PIGO: variants seen among roughly 807,000 people sequenced by gnomAD.
PIGO encodes the protein GPI ethanolamine phosphate transferase 3, catalytic subunit.
A neutral mutation model predicts 86.9 loss-of-function variants in PIGO; 66 were observed. That is an observed-to-expected ratio of 0.76 (90% CI 0.62 to 0.93). PIGO has a LOEUF of 0.93. Ranked by LOEUF, PIGO falls within the 40% of genes least tolerant of loss-of-function variation. The probability of loss-of-function intolerance (pLI) is 0.00; values close to 1 mark genes in which losing one functional copy is unlikely to be tolerated. For missense variants in PIGO, 1,202 were observed against 1,359.1 expected (o/e 0.88, Z 1.82); for synonymous variants, 570 against 556.4 (o/e 1.02, Z -0.34).
Position 35,094,040 on chromosome 9 carries a change from C to A in PIGO, c.656-16G>T, listed in dbSNP as rs750860245. On this transcript the variant is annotated splice_polypyrimidine_tract_variant and intron_variant, in intron 3 of 10. Coordinates refer to ENST00000378617, the MANE Select transcript of PIGO (RefSeq NM_032634.4). ...CCACTGTCCACTGTGAAGGGGAGAA[C>A]ACTGAGCACAGAAGACTAAGACCCA... 2 of 1,611,254 alleles carry A rather than the reference C, an allele frequency of 1.2e-6. No individual in the cohort carries two copies. Among genetic ancestry groups the A allele is most frequent in the Admixed American group, 3.4e-5 (2 of 59,576 alleles).
At position 35,092,190 on chromosome 9, in the gene PIGO, A is replaced by G; in HGVS notation, c.1697T>C (p.Val566Ala). Residue 566 changes from valine to alanine, a missense_variant, in exon 7 of 11, where the codon GTT (valine) becomes GCT (alanine). Physicochemically the swap from Val to Ala is moderately conservative, Grantham distance 64 (BLOSUM62 0). Coordinates refer to ENST00000378617, the MANE Select transcript of PIGO (RefSeq NM_032634.4). The part of the protein sequence containing the change: ...RLAVFFSDSF[V>A]VAEARATPFL... ...GGGGGTGGCCCTGGCCTCAGCTACA[A>G]CAAAACTATCAGAGAAGAACACAGC... The G allele has an allele frequency of 6.2e-7, 1 of 1,614,252 alleles. No individual in the cohort carries two copies. Among genetic ancestry groups the G allele is most frequent in the Non-Finnish European group, 8.5e-7 (1 of 1,180,052 alleles).
chr9:35,089,599 T>C, intron 9 of PIGO, 149 bp from the exon 10 acceptor site: 3 of 1,473,194 alleles, frequency 2.0e-6, no homozygotes, highest in Non-Finnish European at 2.7e-6. Flanking sequence ...GGCTAGGAGT[T>C]AGGAGACCTA....
Position 35,095,451 on chromosome 9 carries a change from T to C in PIGO, c.115A>G (p.Ser39Gly). The change falls in exon 2 of 11, where the codon AGC (serine) becomes GGC (glycine). Residue 39 changes from serine (S) to glycine (G), a missense_variant. By Grantham distance (56) the Ser-to-Gly change is moderately conservative. Transcript: ENST00000378617. ...LLTRLELTNH[S>G]SCQEPPGPGS... ...GGGCCTGGGGGCTCTTGGCAGCTGC[T>C]ATGGTTGGTGAGCTCCAAACGGGTG... 6.2e-7 allele frequency: 1 copy of C among 1,613,908 alleles called. No homozygotes were observed.
chr9:35,089,096 C>G lies in PIGO; in HGVS notation c.3266G>C (p.Arg1089Thr). Residue 1089 changes from arginine (R) to threonine (T), a missense_variant, in exon 11 of 11, where the codon AGG (arginine) becomes ACG (threonine). Transcript: ENST00000378617. ...TGCCAGTAATCACAGACTAGGCTAC[C>G]TCTGCTGGGCCAGAAATAGCTGCCT... ...WFRQLFLAQQ[R>T] is the part of the protein sequence containing the mutation. The G allele has an allele frequency of 1.2e-6, 2 of 1,614,142 alleles. No individual in the cohort carries two copies. The highest frequency in any genetic ancestry group is 1.7e-6 in the Non-Finnish European group (2 of 1,180,020).
In PIGO at chr9:35,089,056, C is replaced by T; in HGVS notation, c.*36G>A. The T allele has an allele frequency of 1.9e-6, 3 of 1,613,336 alleles. No homozygotes were observed. The highest frequency in any genetic ancestry group is 2.5e-6 in the Non-Finnish European group (3 of 1,179,774). On this transcript the variant is annotated 3_prime_UTR_variant, in exon 11 of 11. Transcript: ENST00000378617. ...GGCCAGGCTACACTGTTCTCAAGCA[C>T]TCTCTGTAGCCAAGTGCCAGTAATC...
intron 3 of PIGO, 54 bp from the exon 4 acceptor site, chr9:35,094,078 A>T: frequency 3.1e-6 from 5 of 1,591,056 alleles, no homozygotes; most frequent in Non-Finnish European, 4.3e-6. Context: ...CCTCAACCCC[A>T]GCCAGGCTTT....
In PIGO at chr9:35,093,080, G is replaced by A. The variant is rs141121202; in HGVS notation, c.1069C>T (p.His357Tyr). Residue 357 changes from histidine to tyrosine, a missense_variant, in exon 6 of 11, where the codon CAC (histidine) becomes TAC (tyrosine). His to Tyr is a moderately conservative substitution (Grantham distance 83). Transcript: ENST00000378617. ...LFSGGEDSQP[H>Y]SSALAQASAL... ...GAGGCTTGGGCTAAAGCAGAGGAGT[G>A]GGGCTGGGAGTCCTCACCCCCTGAG... is the stretch of plus-strand genomic sequence containing the variant. 8.2e-5 allele frequency: 133 copies of A among 1,614,040 alleles called. 2 individuals are homozygous for A. In the East Asian group the frequency reaches 2.7e-3, roughly 33 times the overall value.
intron 5 of PIGO, 57 bp from the exon 6 acceptor site, chr9:35,093,266 G>A (rs567067272): frequency 5.8e-5 from 92 of 1,582,534 alleles, no homozygotes; most frequent in Admixed American, 5.0e-4. Flanking sequence ...TCAATGTTTG[G>A]GATGGCAGAC....
chr9:35,091,062 T>A, intron 7 of PIGO, 178 bp downstream of exon 7: 1 of 695,172 alleles, frequency 1.4e-6, no homozygotes, highest in East Asian at 2.7e-5. Context: ...ACAGGAGGGA[T>A]CAATTTGCTT....
rs1829355170 is a variant in PIGO, at chr9:35,090,260, G to C, written c.2875C>G (p.Leu959Val). The C allele has an allele frequency of 6.2e-7, 1 of 1,613,888 alleles. No homozygotes were observed. The highest frequency in any genetic ancestry group is 1.3e-5 in the African/African-American group (1 of 74,936). The change falls in exon 9 of 11, where the codon CTC (leucine) becomes GTC (valine). Residue 959 changes from leucine (L) to valine (V), a missense_variant. Transcript: ENST00000378617. Reference protein sequence around the residue: ...LFAVGCPLLLLWPFLCESQGL... With the variant: ...LFAVGCPLLLVWPFLCESQGL... ...TGACTCTCACACAGGAAAGGCCAGA[G>C]CAGGAGCAGTGGGCAACCTACTGCC...
At position 35,093,094 on chromosome 9, in the gene PIGO, T is replaced by C; in HGVS notation, c.1055A>G (p.Glu352Gly). The part of the protein sequence containing the change: ...EVMAELFSGG[E>G]DSQPHSSALA... ...AGCAGAGGAGTGGGGCTGGGAGTCC[T>C]CACCCCCTGAGAATAGCTCAGCCAT... is the stretch of plus-strand genomic sequence containing the variant. The change falls in exon 6 of 11, where the codon GAG (glutamate) becomes GGG (glycine). Residue 352 changes from glutamate to glycine, a missense_variant. By Grantham distance (98) the Glu-to-Gly change is moderately conservative. Transcript: ENST00000378617. 6.2e-7 allele frequency: 1 copy of C among 1,614,146 alleles called. No homozygotes were observed. The highest frequency in any genetic ancestry group is 8.5e-7 in the Non-Finnish European group (1 of 1,180,008).
In PIGO at chr9:35,089,084, A is replaced by T; in HGVS notation, c.*8T>A. On this transcript the variant is annotated 3_prime_UTR_variant, in exon 11 of 11. Transcript: ENST00000378617. ...TCTGTAGCCAAGTGCCAGTAATCAC[A>T]GACTAGGCTACCTCTGCTGGGCCAG... The T allele has an allele frequency of 6.2e-7, 1 of 1,614,144 alleles. No homozygotes were observed. The highest frequency in any genetic ancestry group is 1.1e-5 in the South Asian group (1 of 91,072).
At position 35,093,428 on chromosome 9, in the gene PIGO, G is replaced by A; in HGVS notation, c.932C>T (p.Pro311Leu). Residue 311 changes from proline (P) to leucine (L), a missense_variant, in exon 5 of 11, where the codon CCA (proline) becomes CTA (leucine). Pro to Leu is a moderately conservative substitution (Grantham distance 98, BLOSUM62 -3). Transcript: ENST00000378617. ...GAACATCCCAGGCCTCACCTCTGGT[G>A]GGGTGCTGGGGAAGACTGCTGTGGG... is the stretch of plus-strand genomic sequence containing the variant. ...YSPTAVFPSTPPEEPEVIPQV... is the reference protein window; with the variant it reads ...YSPTAVFPSTLPEEPEVIPQV... The A allele has an allele frequency of 1.9e-6, 3 of 1,614,096 alleles. No individual in the cohort carries two copies. Among genetic ancestry groups the A allele is most frequent in the Non-Finnish European group, 8.5e-7 (1 of 1,180,012 alleles).
Position 35,096,193 on chromosome 9 carries a change from C to G in PIGO, c.-40G>C, listed in dbSNP as rs1213938357. On this transcript the variant is annotated 5_prime_UTR_variant, in exon 1 of 11. Transcript: ENST00000378617. ...GCCTCTCCCCTCGCCAATCTCAATA[C>G]CCAGTGGAAAGGGATCGAAGCCGCA... 1 of 152,258 alleles carries G rather than the reference C, an allele frequency of 6.6e-6. No homozygotes were observed. The highest frequency in any genetic ancestry group is 2.4e-5 in the African/African-American group (1 of 41,464). The allele number at this position is 152,258 out of a possible 1,614,324, so 9.4% of individuals were successfully genotyped here.
rs974939782 is a variant in PIGO, at chr9:35,091,326, C to T, written c.2561G>A (p.Arg854His). The change falls in exon 7 of 11, where the codon CGC becomes CAC. Residue 854 changes from arginine to histidine, a missense_variant. By Grantham distance (29) the Arg-to-His change is conservative. Coordinates refer to ENST00000378617, the MANE Select transcript of PIGO (RefSeq NM_032634.4). ...AFPLLLLHAE[R>H]ISLVFLLLFL... ...CAGAAGCAGGAACACAAGGCTGATG[C>T]GCTCCGCATGCAACAGCAGAAGTGG... is the stretch of plus-strand genomic sequence containing the variant. The T allele has an allele frequency of 1.1e-5, 17 of 1,614,112 alleles. No homozygotes were observed. The highest frequency in any genetic ancestry group is 1.4e-5 in the Non-Finnish European group (16 of 1,180,000).
chr9:35,093,903 G>A lies in PIGO; in HGVS notation c.777C>T (p.Ile259=), dbSNP rs752829826. ...AKKLSQMDQV[I]QGLVERLEND... Reference sequence around the variant, plus strand: ...CCCAGCCAATACCCCACACTCACTGGATCACCTGGTCCATCTGGCTAAGTT... The same window carrying A: ...CCCAGCCAATACCCCACACTCACTGAATCACCTGGTCCATCTGGCTAAGTT... The change falls in exon 4 of 11, where the codon ATC becomes ATT. Residue 259 remains isoleucine, a splice_region_variant and synonymous_variant. Transcript: ENST00000378617. The A allele has an allele frequency of 5.6e-6, 9 of 1,613,956 alleles. No homozygotes were observed. Among genetic ancestry groups the A allele is most frequent in the Non-Finnish European group, 5.9e-6 (7 of 1,179,994 alleles).
chr9:35,091,702 G>T lies in PIGO; in HGVS notation c.2185C>A (p.Pro729Thr), dbSNP rs925153680. Reference sequence around the variant, plus strand: ...GAGACCAGGACCCGGAGACGGGGGGGAGCCTCATCTGCCCCCGACGCCAAT... The same window carrying T: ...GAGACCAGGACCCGGAGACGGGGGGTAGCCTCATCTGCCCCCGACGCCAAT... ...WALASGADEAPPRLRVLVSGA... is the reference protein window; with the variant it reads ...WALASGADEATPRLRVLVSGA... Residue 729 changes from proline to threonine, a missense_variant, in exon 7 of 11, where the codon CCC becomes ACC. Coordinates refer to ENST00000378617, the MANE Select transcript of PIGO (RefSeq NM_032634.4). 2 of 1,612,428 alleles carry T rather than the reference G, an allele frequency of 1.2e-6. No individual in the cohort carries two copies. The highest frequency in any genetic ancestry group is 1.7e-6 in the Non-Finnish European group (2 of 1,180,026).
rs139962374 is a variant in PIGO, at chr9:35,095,176, G to A, written c.390C>T (p.Thr130=). Residue 130 remains threonine (T), a synonymous_variant, in exon 2 of 11, where the codon ACC becomes ACT. Coordinates refer to ENST00000378617, the MANE Select transcript of PIGO (RefSeq NM_032634.4). The stretch of plus-strand genomic sequence containing the variant: ...TGAGGGCCTTGAGGCGCTGCATGGT[G>A]GTGGTAGGAGGGTCAACCTGAGATC... ...LYRSQVDPPT[T]TMQRLKALTT... is the part of the protein sequence containing the mutation. 1.4e-5 allele frequency: 22 copies of A among 1,614,234 alleles called. No individual in the cohort carries two copies. The South Asian group carries it at 2.1e-4, about 15-fold the overall frequency.
At position 35,093,571 on chromosome 9, in the gene PIGO, C is replaced by T. The variant is rs750328169; in HGVS notation, c.789G>A (p.Val263=). ...SQMDQVIQGL[V]ERLENDTLLV... ...GCAGTGTGTCATTCTCCAGACGCTC[C>T]ACAAGTCCCCTGGGGGCCAATAAAT... Residue 263 remains valine, a synonymous_variant, in exon 5 of 11, where the codon GTG becomes GTA. Transcript: ENST00000378617. 9.9e-5 allele frequency: 160 copies of T among 1,608,602 alleles called. 1 individual carries two copies. Among genetic ancestry groups the T allele is most frequent in the South Asian group, 8.6e-4 (78 of 90,366 alleles).
Sources: gnomAD v4.1 joint callset for allele counts on GRCh38, gnomAD v4.1.1 for gene constraint, MANE v1.5 for transcripts, NCBI Gene and HGNC (gene_info 2026-07-23, HGNC 2026-07-21) for gene names.